RSRC1: variants seen among roughly 807,000 people sequenced by gnomAD.
The protein encoded by RSRC1 is arginine and serine rich coiled-coil 1.
RSRC1 carries 39 observed loss-of-function variants against 49.1 expected under a neutral mutation model. The ratio of observed to expected loss-of-function variants is 0.79; its 90% CI spans 0.61 to 1.04. The LOEUF (loss-of-function observed/expected upper bound fraction) is 1.04. Ranked by LOEUF, RSRC1 falls within the 50% of genes least tolerant of loss-of-function variation. The pLI, the probability that RSRC1 is intolerant of heterozygous loss-of-function variation, is 0.00. For missense variants in RSRC1, 388 were observed against 402.4 expected, an observed-to-expected ratio of 0.96 and a Z score of 0.31; for synonymous variants, 143 against 130.8, an observed-to-expected ratio of 1.09 and a Z score of -0.63.
rs946734804 is a variant in RSRC1 at position 158,408,000 on chromosome 3, T to C, written c.584-52935T>C. ...GCTTTGCCTTTCATGGCTTATATGA[T>C]TTTTACAAGTTAGATAATCTCTCTG... On this transcript the variant is annotated intron_variant, in intron 6 of 9. Coordinates refer to ENST00000611884, the MANE Select transcript of RSRC1 (RefSeq NM_001271838.2). Among the ~76,000 whole-genome samples, 4 of 152,316 alleles carry C rather than the reference T, an allele frequency of 2.6e-5. No individual in the cohort carries two copies. In the East Asian group the frequency reaches 5.8e-4, roughly 22 times the overall value.
intron 6 of RSRC1, among the ~76,000 whole-genome samples, chr3:158,389,669 C>T (rs1039276475): frequency 6.6e-6 from 1 of 152,118 alleles, no homozygotes; most frequent in Non-Finnish European, 1.5e-5. Flanking sequence ...GAAAATTTAG[C>T]ATGAGTTAAG....
chr3:158,377,606 G>A (rs1392573795), intron 6 of RSRC1, among the ~76,000 whole-genome samples: 1 of 151,944 alleles, frequency 6.6e-6, no homozygotes, highest in Non-Finnish European at 1.5e-5. Flanking sequence ...ACAGCCTGTA[G>A]GACCAGGAGC....
chr3:158,397,605 A>G (rs1043810487), intron 6 of RSRC1, among the ~76,000 whole-genome samples: 1 of 152,160 alleles, frequency 6.6e-6, no homozygotes, highest in African/African-American at 2.4e-5. Flanking sequence ...ATTGTCTGTT[A>G]GTGTATTATA....
At chr3:158,296,019 A>G (rs1730038) in intron 4 of RSRC1, among the ~76,000 whole-genome samples, 143,992 of 152,130 alleles carry the variant, frequency 0.95, 68,250 homozygotes, top group East Asian at 1. Flanking sequence ...TGCTGGCACC[A>G]TTGTATGACA....
intron 5 of RSRC1, among the ~76,000 whole-genome samples, chr3:158,319,169 G>A (rs1229157183): frequency 2.0e-5 from 3 of 152,076 alleles, no homozygotes; most frequent in Admixed American, 6.6e-5. Context: ...TGTAATCCCC[G>A]TGTGTCAAGG....
intron 5 of RSRC1, among the ~76,000 whole-genome samples, chr3:158,308,809 C>G (rs527662377): frequency 6.6e-6 from 1 of 151,980 alleles, no homozygotes; most frequent in African/African-American, 2.4e-5. Flanking sequence ...ATAGGTATTT[C>G]AGTGAATTTC....
chr3:158,303,999 A>G (rs1220080210), intron 5 of RSRC1, among the ~76,000 whole-genome samples: 3 of 152,184 alleles, frequency 2.0e-5, no homozygotes, highest in Non-Finnish European at 2.9e-5. Context: ...TTTGTTTTCT[A>G]TTAATAGTTG....
At chr3:158,177,199 G>T (rs1421055416) in intron 3 of RSRC1, among the ~76,000 whole-genome samples, 1 of 152,198 alleles carries the variant, frequency 6.6e-6, no homozygotes, top group Non-Finnish European at 1.5e-5. Context: ...TGGTGGGAGT[G>T]CAAATTAGTT....
rs1247551357 is a variant in RSRC1, at chr3:158,545,209, T to C, written c.*934T>C. ...TTCTATTTTCTTTTTTTTTTTTTTT[T>C]TTTTTTTTTTGAGACGGAGTCTCGC... On this transcript the variant is annotated 3_prime_UTR_variant, in exon 10 of 10. Coordinates refer to ENST00000611884, the MANE Select transcript of RSRC1 (RefSeq NM_001271838.2). 7.9e-6 allele frequency: 1 copy of C among 127,186 alleles called. No homozygotes were observed. The highest frequency in any genetic ancestry group is 2.1e-4 in the East Asian group (1 of 4,736). 7.9% of individuals were successfully genotyped at this position (127,186 alleles called of 1,614,324 possible).
At chr3:158,349,593 G>T (rs554753757) in intron 5 of RSRC1, among the ~76,000 whole-genome samples, 1 of 150,086 alleles carries the variant, frequency 6.7e-6, no homozygotes, top group South Asian at 2.1e-4. Context: ...TTATGGTACA[G>T]TATCTGTACT....
intron 5 of RSRC1, among the ~76,000 whole-genome samples, chr3:158,343,027 G>C (rs1730343258): frequency 6.6e-6 from 1 of 152,192 alleles, no homozygotes; most frequent in Admixed American, 6.5e-5. Context: ...CCTGAGAGGA[G>C]TGAGCTGCAG....
chr3:158,326,736 G>A (rs1188069863), intron 5 of RSRC1, among the ~76,000 whole-genome samples: 1 of 152,116 alleles, frequency 6.6e-6, no homozygotes, highest in Non-Finnish European at 1.5e-5. Context: ...GGATGATGCT[G>A]GCCTCATAAA....
At chr3:158,277,178 T>C (rs1725866089) in intron 4 of RSRC1, among the ~76,000 whole-genome samples, 1 of 152,184 alleles carries the variant, frequency 6.6e-6, no homozygotes, top group Non-Finnish European at 1.5e-5. Flanking sequence ...AATGCATGAA[T>C]TTAAAAAATG....
intron 3 of RSRC1, among the ~76,000 whole-genome samples, chr3:158,195,083 A>G (rs1487519418): frequency 6.6e-6 from 1 of 152,166 alleles, no homozygotes; most frequent in Admixed American, 6.5e-5. Context: ...ACTGTCTTCC[A>G]CCATGGTTGA....
intron 4 of RSRC1, among the ~76,000 whole-genome samples, chr3:158,287,834 AT>A (rs1296368297): frequency 6.6e-6 from 1 of 152,114 alleles, no homozygotes; most frequent in Non-Finnish European, 1.5e-5. Flanking sequence ...GGTGACTTTT[AT>A]TTTTTCTTCA....
At chr3:158,440,714 T>G (rs971069509) in intron 6 of RSRC1, among the ~76,000 whole-genome samples, 1 of 151,962 alleles carries the variant, frequency 6.6e-6, no homozygotes, top group Non-Finnish European at 1.5e-5. Flanking sequence ...GAGGCTGAGG[T>G]GGGTGGATCA....
At chr3:158,474,675 G>A (rs1042512092) in intron 7 of RSRC1, among the ~76,000 whole-genome samples, 1 of 152,052 alleles carries the variant, frequency 6.6e-6, no homozygotes, top group African/African-American at 2.4e-5. Flanking sequence ...TCTGTAGGAA[G>A]CATTCATTCT....
chr3:158,508,100 AAAT>A (rs1201401262), intron 7 of RSRC1, among the ~76,000 whole-genome samples: 2 of 152,080 alleles, frequency 1.3e-5, no homozygotes, highest in Admixed American at 6.6e-5. Flanking sequence ...TAAATTTTAT[AAAT>A]AATAATAATC....
chr3:158,221,084 TAG>T (rs1722200740), intron 4 of RSRC1, among the ~76,000 whole-genome samples: 1 of 151,556 alleles, frequency 6.6e-6, no homozygotes, highest in African/African-American at 2.4e-5. Flanking sequence ...CTGACTATAA[TAG>T]AGTCAGGAAA....
Sources: allele counts gnomAD v4.1 joint callset (sites outside exome capture counted in the v4.1 genomes callset), GRCh38; gene constraint gnomAD v4.1.1; transcripts MANE v1.5; gene names NCBI Gene and HGNC (gene_info 2026-07-23, HGNC 2026-07-21).